The following RAB10 variants were observed in gnomAD, a reference collection of about 807,000 sequenced individuals.
The protein encoded by RAB10 is RAB10, member RAS oncogene family, also known as ras-related protein Rab-10.
Under a neutral mutation model 25.7 loss-of-function variants are expected in RAB10, and 5 were observed. The observed-to-expected ratio is 0.19, with a 90% CI of 0.10 to 0.41. The LOEUF (loss-of-function observed/expected upper bound fraction) is 0.41. RAB10 is among the 10% of genes least tolerant of loss of function. The pLI, the probability that RAB10 is intolerant of heterozygous loss-of-function variation, is 1.00. For synonymous variants in RAB10, 89 were observed against 86.4 expected (o/e 1.03, Z -0.16); for missense variants, 103 against 245.8 (o/e 0.42, Z 3.89).
chr2:26,084,121 T>G (rs1156987401), intron 1 of RAB10, among the ~76,000 whole-genome samples: 1 of 152,202 alleles, frequency 6.6e-6, no homozygotes, highest in African/African-American at 2.4e-5. Context: ...TTATTTTCTC[T>G]GCCTGGAACA....
intron 1 of RAB10, among the ~76,000 whole-genome samples, chr2:26,077,432 G>A (rs922479286): frequency 1.3e-5 from 2 of 152,164 alleles, no homozygotes; most frequent in African/African-American, 4.8e-5. Context: ...AGATTTCTGA[G>A]AATCTTAATG....
intron 2 of RAB10, among the ~76,000 whole-genome samples, chr2:26,107,732 G>A (rs1667494124): frequency 6.6e-6 from 1 of 151,920 alleles, no homozygotes; most frequent in Non-Finnish European, 1.5e-5. Flanking sequence ...GGAGGCAGAG[G>A]TTGCAGTGAG....
At chr2:26,082,281 T>C (rs947079617) in intron 1 of RAB10, among the ~76,000 whole-genome samples, 12 of 152,086 alleles carry the variant, frequency 7.9e-5, no homozygotes, top group African/African-American at 2.7e-4. Context: ...TGGTTCTAGT[T>C]ACGATGTTTA....
At chr2:26,128,912 G>A (rs1667956738) in intron 5 of RAB10, among the ~76,000 whole-genome samples, 1 of 152,112 alleles carries the variant, frequency 6.6e-6, no homozygotes, top group Admixed American at 6.6e-5. Context: ...GCATGGATTT[G>A]GTTATGAGTC....
At chr2:26,099,833 C>T (rs761659594) in intron 2 of RAB10, among the ~76,000 whole-genome samples, 6 of 152,102 alleles carry the variant, frequency 3.9e-5, no homozygotes, top group South Asian at 2.1e-4. Context: ...TGAGCCACTG[C>T]GCCTGGTCAA....
intron 1 of RAB10, among the ~76,000 whole-genome samples, chr2:26,047,161 A>G (rs1666028958): frequency 6.6e-6 from 1 of 152,156 alleles, no homozygotes; most frequent in African/African-American, 2.4e-5. Context: ...CACCATAGTC[A>G]ATATACAACA....
intron 1 of RAB10, among the ~76,000 whole-genome samples, chr2:26,062,264 ATCC>A (rs1274494485): frequency 1.3e-5 from 2 of 152,218 alleles, no homozygotes; most frequent in African/African-American, 4.8e-5. Context: ...ATTGCAGCCC[ATCC>A]TCTGCTCCAT....
intron 4 of RAB10, 55 bp from the exon 5 acceptor site, chr2:26,127,792 TCAG>T: frequency 3.2e-6 from 4 of 1,237,882 alleles, no homozygotes; most frequent in Non-Finnish European, 4.8e-6. Flanking sequence ...GCTGTTAAAG[TCAG>T]CAGTTGGCAA....
At chr2:26,089,914 C>T (rs1667067822) in intron 1 of RAB10, among the ~76,000 whole-genome samples, 1 of 152,080 alleles carries the variant, frequency 6.6e-6, no homozygotes, top group South Asian at 2.1e-4. Context: ...TTGTAGTTTA[C>T]AGTTCGTTGT....
chr2:26,069,958 C>T (rs146513310), intron 1 of RAB10, among the ~76,000 whole-genome samples: 53 of 152,278 alleles, frequency 3.5e-4, no homozygotes, highest in African/African-American at 1.2e-3. Flanking sequence ...CTGCCCTCCC[C>T]GGCTTCCCAA....
chr2:26,085,786 C>T (rs144869312), intron 1 of RAB10, among the ~76,000 whole-genome samples: 1 of 151,830 alleles, frequency 6.6e-6, no homozygotes, highest in South Asian at 2.1e-4. Flanking sequence ...CACCTGAGGT[C>T]GAGAGTTCGA....
chr2:26,052,568 A>G (rs1574528813), intron 1 of RAB10, among the ~76,000 whole-genome samples: 1 of 151,300 alleles, frequency 6.6e-6, no homozygotes, highest in African/African-American at 2.4e-5. Context: ...AGAAAGACTC[A>G]GATCACCTGC....
At chr2:26,034,787 T>G in intron 1 of RAB10, 52 bp downstream of exon 1, 1 of 1,603,182 alleles carries the variant, frequency 6.2e-7, no homozygotes. Flanking sequence ...ATACCGTTTA[T>G]TTTACTCCAG....
intron 1 of RAB10, among the ~76,000 whole-genome samples, chr2:26,039,357 T>C (rs1665834477): frequency 6.6e-6 from 1 of 151,542 alleles, no homozygotes; most frequent in Non-Finnish European, 1.5e-5. Flanking sequence ...AAATTTTTTT[T>C]CTTTTTGAGA....
At chr2:26,051,144 T>C (rs1211433422) in intron 1 of RAB10, among the ~76,000 whole-genome samples, 5 of 151,860 alleles carry the variant, frequency 3.3e-5, no homozygotes, top group Non-Finnish European at 1.5e-5. Flanking sequence ...CACTATGTTG[T>C]CCAGGCTGAT....
chr2:26,064,024 A>T (rs1448755345), intron 1 of RAB10, among the ~76,000 whole-genome samples: 1 of 152,068 alleles, frequency 6.6e-6, no homozygotes, highest in Non-Finnish European at 1.5e-5. Context: ...TTGGTGTCGA[A>T]CTCCTGACCA....
intron 3 of RAB10, among the ~76,000 whole-genome samples, chr2:26,119,124 G>A (rs1394921470): frequency 6.6e-6 from 1 of 152,130 alleles, no homozygotes; most frequent in African/African-American, 2.4e-5. Context: ...AGGATGTATA[G>A]GGCTGTGCAC....
chr2:26,134,045 C>T (rs1336286261), intron 5 of RAB10, among the ~76,000 whole-genome samples: 1 of 152,090 alleles, frequency 6.6e-6, no homozygotes, highest in Non-Finnish European at 1.5e-5. Context: ...TTAAATCAAC[C>T]ATAATTTTAC....
chr2:26,037,051 C>T (rs1022500782), intron 1 of RAB10, among the ~76,000 whole-genome samples: 2 of 152,034 alleles, frequency 1.3e-5, no homozygotes, highest in Non-Finnish European at 2.9e-5. Context: ...GCTGGGATTA[C>T]AGGCGTGAGC....
Sources: gnomAD v4.1 joint callset for allele counts (sites outside exome capture counted in the v4.1 genomes callset) on GRCh38, gnomAD v4.1.1 for gene constraint, MANE v1.5 for transcripts, NCBI Gene and HGNC (gene_info 2026-07-23, HGNC 2026-07-21) for gene names.